SERBP1: variants seen among roughly 807,000 people sequenced by gnomAD.
The protein encoded by SERBP1 is SERPINE1 mRNA-binding protein 1.
Under a neutral mutation model 50.2 loss-of-function variants are expected in SERBP1, and 6 were observed. That is an observed-to-expected ratio of 0.12 (90% confidence interval 0.07 to 0.24). SERBP1 has a LOEUF of 0.24. Ranked by LOEUF, SERBP1 falls within the 10% of genes least tolerant of loss-of-function variation. The pLI is 1.00. For synonymous variants in SERBP1, 168 were observed against 182.8 expected (o/e 0.92, Z 0.65); for missense variants, 346 against 524.9 (o/e 0.66, Z 3.33).
chr1:67,422,510 CAA>C (rs983365701), intron 5 of SERBP1, among the ~76,000 whole-genome samples: 1 of 136,788 alleles, frequency 7.3e-6, no homozygotes. Context: ...AACTCCATCT[CAA>C]AAAAAAAAAA....
At position 67,413,127 on chromosome 1, in the gene SERBP1, G is replaced by A. The variant is rs1192766946; in HGVS notation, c.*80C>T. 30 of 1,406,378 alleles carry A rather than the reference G, an allele frequency of 2.1e-5. No individual in the cohort carries two copies. Among genetic ancestry groups the A allele is most frequent in the Non-Finnish European group, 2.8e-5 (30 of 1,056,152 alleles). The allele number at this position is 1,406,378 out of a possible 1,614,324, so 87.1% of individuals were successfully genotyped here. ...CAGTCTTTTTTTTTTTAATTTCTTAGTCGTTTGGAATCCTTAAGCATGCAA... is the reference window on the plus strand; with the variant it reads ...CAGTCTTTTTTTTTTTAATTTCTTAATCGTTTGGAATCCTTAAGCATGCAA... On this transcript the variant is annotated 3_prime_UTR_variant, in exon 8 of 8. Coordinates refer to ENST00000361219, the MANE Select transcript of SERBP1 (RefSeq NM_001018069.2).
rs372322780 is a variant in SERBP1 at position 67,419,225 on chromosome 1, T to A, written c.951+784A>T. Among the ~76,000 whole-genome samples, 17 of 152,354 alleles carry A rather than the reference T, an allele frequency of 1.1e-4. 1 individual carries two copies. The highest frequency in any genetic ancestry group is 7.7e-4 in the East Asian group (4 of 5,194). ...TTCCACTTAATGAACAGTAAATATATTTTCTCAACATTTTCTTTAGCTTAC... is the reference window on the plus strand; with the variant it reads ...TTCCACTTAATGAACAGTAAATATAATTTCTCAACATTTTCTTTAGCTTAC... On this transcript the variant is annotated intron_variant, in intron 6 of 7. Coordinates refer to ENST00000361219, the MANE Select transcript of SERBP1 (RefSeq NM_001018069.2).
At chr1:67,427,858 A>C (rs981984597) in intron 1 of SERBP1, among the ~76,000 whole-genome samples, 2 of 152,244 alleles carry the variant, frequency 1.3e-5, no homozygotes, top group African/African-American at 4.8e-5. Context: ...GTTTCAAGGC[A>C]TTCATTCTTT....
intron 5 of SERBP1, among the ~76,000 whole-genome samples, chr1:67,423,864 T>G (rs1252602624): frequency 6.6e-6 from 1 of 152,078 alleles, no homozygotes; most frequent in South Asian, 2.1e-4. Context: ...TTCAAAGCGT[T>G]AGAGTCAAAT....
In SERBP1 at chr1:67,410,815, GA is replaced by G. The variant is rs375490147; in HGVS notation, c.*2391del. 1 of 152,076 alleles carries G rather than the reference GA, an allele frequency of 6.6e-6. No individual in the cohort carries two copies. Among genetic ancestry groups the G allele is most frequent in the Non-Finnish European group, 1.5e-5 (1 of 67,986 alleles). The allele number at this position is 152,076 out of a possible 1,614,324, so 9.4% of individuals were successfully genotyped here. On this transcript the variant is annotated 3_prime_UTR_variant, in exon 8 of 8. Transcript: ENST00000361219. The stretch of plus-strand genomic sequence containing the variant: ...GAAGTGACAATCAGATTAAATCCAA[GA>G]AGTCCTTGGATTTTGTATTTTACAA...
At chr1:67,424,130 G>C in intron 5 of SERBP1, 70 bp downstream of exon 5, 1 of 1,488,358 alleles carries the variant, frequency 6.7e-7, no homozygotes, top group East Asian at 2.4e-5. Context: ...TAAATCTATG[G>C]GTTATCTTAT....
chr1:67,424,357 C>T, intron 4 of SERBP1, 80 bp from the exon 5 acceptor site: 1 of 1,557,540 alleles, frequency 6.4e-7, no homozygotes, highest in South Asian at 1.2e-5. Context: ...GCATCTAGGT[C>T]CATTTACATG....
rs758777503 is a variant in SERBP1 at position 67,424,888 on chromosome 1, G to A, written c.695C>T (p.Thr232Ile). The change falls in exon 4 of 8, where the codon ACT (threonine) becomes ATT (isoleucine). Residue 232 changes from threonine to isoleucine, a missense_variant and splice_region_variant. Transcript: ENST00000361219. ...HNWGTVKDEL[T>I]DLDQSNVTEE... is the part of the protein sequence containing the mutation. ...TTTTTAAGAAAATCAGAATACCAACGTTAATTCGTCTTTGACAGTTCCCCA... is the reference window on the plus strand; with the variant it reads ...TTTTTAAGAAAATCAGAATACCAACATTAATTCGTCTTTGACAGTTCCCCA... 1.1e-5 allele frequency: 18 copies of A among 1,610,496 alleles called. No individual in the cohort carries two copies. Among genetic ancestry groups the A allele is most frequent in the African/African-American group, 9.4e-5 (7 of 74,802 alleles).
intron 5 of SERBP1, among the ~76,000 whole-genome samples, chr1:67,421,700 T>C (rs945221547): frequency 6.6e-6 from 1 of 152,182 alleles, no homozygotes; most frequent in Non-Finnish European, 1.5e-5. Context: ...ACACCTGTAA[T>C]CCCAGCATTT....
chr1:67,428,007 G>A (rs1345757013), intron 1 of SERBP1, among the ~76,000 whole-genome samples: 1 of 152,178 alleles, frequency 6.6e-6, no homozygotes, highest in Admixed American at 6.5e-5. Context: ...CAAGTATTAT[G>A]TCACAATGTG....
At chr1:67,421,954 T>C (rs1341621403) in intron 5 of SERBP1, among the ~76,000 whole-genome samples, 2 of 152,102 alleles carry the variant, frequency 1.3e-5, no homozygotes, top group African/African-American at 4.8e-5. Context: ...AAAAAAAAGT[T>C]GTGTTGACCA....
intron 6 of SERBP1, 72 bp downstream of exon 6, chr1:67,419,937 T>G (rs1667150552): frequency 2.1e-6 from 3 of 1,416,844 alleles, no homozygotes; most frequent in Admixed American, 1.9e-5. Context: ...ATGTGAAATT[T>G]TAAAACAAAA....
Position 67,409,371 on chromosome 1 carries a change from T to G in SERBP1, c.*3836A>C, listed in dbSNP as rs576777592. On this transcript the variant is annotated 3_prime_UTR_variant, in exon 8 of 8. Transcript: ENST00000361219. Reference sequence around the variant, plus strand: ...CCTATACAAGCCTAAAAACCATTCTTAACTCAGGGACACGGACACACACAC... The same window carrying G: ...CCTATACAAGCCTAAAAACCATTCTGAACTCAGGGACACGGACACACACAC... 29 of 134,898 alleles carry G rather than the reference T, an allele frequency of 2.1e-4. No homozygotes were observed. Among genetic ancestry groups the G allele is most frequent in the Middle Eastern group, 3.8e-3 (1 of 266 alleles). 8.4% of individuals were successfully genotyped at this position (134,898 alleles called of 1,614,324 possible).
In SERBP1 at chr1:67,409,163, G is replaced by A. The variant is rs141916445; in HGVS notation, c.*4044C>T. Reference sequence around the variant, plus strand: ...GAATTGCTTGAACCCGGGAGGTGGAGGCTGCAGTGACCTGAGATCATGCCA... The same window carrying A: ...GAATTGCTTGAACCCGGGAGGTGGAAGCTGCAGTGACCTGAGATCATGCCA... On this transcript the variant is annotated 3_prime_UTR_variant, in exon 8 of 8. Coordinates refer to ENST00000361219, the MANE Select transcript of SERBP1 (RefSeq NM_001018069.2). 2.4e-3 allele frequency: 370 copies of A among 152,118 alleles called. 1 individual carries two copies. Among genetic ancestry groups the A allele is most frequent in the African/African-American group, 8.4e-3 (348 of 41,424 alleles). 9.4% of individuals were successfully genotyped at this position (152,118 alleles called of 1,614,324 possible).
At chr1:67,424,817 G>A in intron 4 of SERBP1, 71 bp downstream of exon 4, 1 of 1,146,146 alleles carries the variant, frequency 8.7e-7, no homozygotes, top group Non-Finnish European at 1.3e-6. Context: ...TCAGAGACAA[G>A]TAAAATTTGA....
chr1:67,429,782 G>A, intron 1 of SERBP1: 2 of 560,594 alleles, frequency 3.6e-6, no homozygotes, highest in Non-Finnish European at 3.1e-6. Context: ...ATGGCTCCGA[G>A]AACCTCGCCG....
chr1:67,422,481 G>A (rs1242142672), intron 5 of SERBP1, among the ~76,000 whole-genome samples: 1 of 150,334 alleles, frequency 6.7e-6, no homozygotes, highest in African/African-American at 2.5e-5. Flanking sequence ...TTGCACTCCA[G>A]CACAGGCAAC....
rs896229256 is a variant in SERBP1, at chr1:67,413,169, G to A, written c.*38C>T. 1.9e-6 allele frequency: 3 copies of A among 1,564,986 alleles called. No individual in the cohort carries two copies. Among genetic ancestry groups the A allele is most frequent in the African/African-American group, 2.8e-5 (2 of 71,746 alleles). ...AGCATGCAAAAGCTTTGAACAGAAGGGTTCACAAAGGAACCAGGGTTGTCT... is the reference window on the plus strand; with the variant it reads ...AGCATGCAAAAGCTTTGAACAGAAGAGTTCACAAAGGAACCAGGGTTGTCT... On this transcript the variant is annotated 3_prime_UTR_variant, in exon 8 of 8. Transcript: ENST00000361219.
intron 1 of SERBP1, among the ~76,000 whole-genome samples, chr1:67,428,923 C>T (rs1288204349): frequency 6.6e-6 from 1 of 152,108 alleles, no homozygotes; most frequent in African/African-American, 2.4e-5. Context: ...AGATTCAGAC[C>T]TTAGGTCCAA....
Sources: allele counts gnomAD v4.1 joint callset (sites outside exome capture counted in the v4.1 genomes callset), GRCh38; gene constraint gnomAD v4.1.1; transcripts MANE v1.5; gene names NCBI Gene and HGNC (gene_info 2026-07-23, HGNC 2026-07-21).